TMC7: variants seen among roughly 807,000 people sequenced by gnomAD.
TMC7 encodes transmembrane channel-like protein 7.
Under a neutral mutation model 82.9 loss-of-function variants are expected in TMC7, and 54 were observed. That is an observed-to-expected ratio of 0.65 (90% confidence interval 0.52 to 0.82). TMC7 has a LOEUF of 0.82. Among genes scored for constraint, TMC7 ranks in the 40% least tolerant of loss-of-function variants. The pLI, the probability that TMC7 is intolerant of heterozygous loss-of-function variation, is 0.00. For synonymous variants in TMC7, 350 were observed against 337.9 expected (o/e 1.04, Z -0.39); for missense variants, 820 against 901.2 (o/e 0.91, Z 1.15).
chr16:19,000,670 G>A (rs1160429797), intron 1 of TMC7, among the ~76,000 whole-genome samples: 7 of 152,144 alleles, frequency 4.6e-5, no homozygotes, highest in Non-Finnish European at 1.0e-4. Context: ...TAGGAAGAAT[G>A]TGATATATGG....
At chr16:19,021,569 T>C in intron 3 of TMC7, 60 bp from the exon 4 acceptor site, 3 of 1,550,948 alleles carry the variant, frequency 1.9e-6, no homozygotes, top group Non-Finnish European at 2.6e-6. Context: ...GCTGATTGAA[T>C]CTATGATGTG....
At chr16:19,023,310 A>T (rs931695665) in intron 5 of TMC7, 115 bp downstream of exon 5, 41 of 563,260 alleles carry the variant, frequency 7.3e-5, no homozygotes, top group Non-Finnish European at 7.4e-5. Flanking sequence ...GTTGGTTGAC[A>T]CATGTACCAG....
chr16:18,998,543 A>G (rs544323333), intron 1 of TMC7, among the ~76,000 whole-genome samples: 2 of 152,142 alleles, frequency 1.3e-5, no homozygotes, highest in Non-Finnish European at 2.9e-5. Flanking sequence ...TCACGAGGTC[A>G]GGAGATCGAG....
At chr16:19,056,742 C>T (rs369935784) in intron 14 of TMC7, 45 bp downstream of exon 14, 1 of 1,598,126 alleles carries the variant, frequency 6.3e-7, no homozygotes, top group African/African-American at 1.3e-5. Context: ...TGGGCTCCTC[C>T]CATTGGGAAA....
chr16:19,013,708 G>A (rs1959510547), intron 2 of TMC7, among the ~76,000 whole-genome samples: 1 of 150,976 alleles, frequency 6.6e-6, no homozygotes, highest in African/African-American at 2.4e-5. Flanking sequence ...TGGTAGAGAC[G>A]GGGTTTCACC....
intron 12 of TMC7, among the ~76,000 whole-genome samples, chr16:19,049,833 C>T (rs1027166587): frequency 2.0e-5 from 3 of 152,130 alleles, no homozygotes; most frequent in African/African-American, 7.2e-5. Context: ...TATGTCCCTG[C>T]GCAGTAACAC....
chr16:19,017,395 TATA>T (rs978097889), intron 3 of TMC7, among the ~76,000 whole-genome samples: 4 of 149,366 alleles, frequency 2.7e-5, no homozygotes, highest in African/African-American at 9.7e-5. Flanking sequence ...AATATTAAAT[TATA>T]ATATTTTAAT....
At chr16:19,057,064 G>A (rs1462064203) in intron 14 of TMC7, among the ~76,000 whole-genome samples, 1 of 152,114 alleles carries the variant, frequency 6.6e-6, no homozygotes, top group Non-Finnish European at 1.5e-5. Flanking sequence ...GCTTGAACCT[G>A]GGAGGTTGAG....
At chr16:19,044,656 G>T (rs1219438236) in intron 9 of TMC7, among the ~76,000 whole-genome samples, 1 of 150,974 alleles carries the variant, frequency 6.6e-6, no homozygotes, top group African/African-American at 2.4e-5. Flanking sequence ...AAAAAAATTA[G>T]CTGGGTATGG....
At chr16:19,054,767 G>T (rs1253344359) in intron 13 of TMC7, among the ~76,000 whole-genome samples, 1 of 141,274 alleles carries the variant, frequency 7.1e-6, no homozygotes, top group African/African-American at 2.7e-5. Context: ...TTTTTTGAGA[G>T]GGAGTCTCAC....
intron 1 of TMC7, among the ~76,000 whole-genome samples, chr16:19,005,374 C>T (rs1262656927): frequency 6.6e-6 from 1 of 152,196 alleles, no homozygotes; most frequent in Non-Finnish European, 1.5e-5. Context: ...AGGCGTGAGC[C>T]ACCACGCCTG....
chr16:19,032,930 T>A (rs565227498), intron 6 of TMC7, among the ~76,000 whole-genome samples: 1 of 152,236 alleles, frequency 6.6e-6, no homozygotes, highest in Admixed American at 6.6e-5. Context: ...CCCAGCCGAA[T>A]GAATAAGGTT....
intron 13 of TMC7, among the ~76,000 whole-genome samples, chr16:19,052,268 C>G (rs987007215): frequency 6.6e-6 from 1 of 152,170 alleles, no homozygotes; most frequent in Admixed American, 6.6e-5. Context: ...CAGAGGCTGA[C>G]AAGACTTCCA....
In TMC7 at chr16:19,024,404, G is replaced by A. The variant is rs1023876996; in HGVS notation, c.711+1209G>A. Among the ~76,000 whole-genome samples, 3 of 152,126 alleles carry A rather than the reference G, an allele frequency of 2.0e-5. No homozygotes were observed. The South Asian group carries it at 6.2e-4, about 32-fold the overall frequency. On this transcript the variant is annotated intron_variant, in intron 5 of 15. Transcript: ENST00000304381. ...CCACTGCACTTCAGCCTGGGCAACA[G>A]AGCAAGACCCCATCTTAAAAAACAG...
chr16:19,021,578 T>A, intron 3 of TMC7, 51 bp from the exon 4 acceptor site: 1 of 1,591,462 alleles, frequency 6.3e-7, no homozygotes, highest in Non-Finnish European at 8.6e-7. Context: ...ATCTATGATG[T>A]GTAGTGTATC....
Position 19,000,392 on chromosome 16 carries a change from G to A in TMC7, c.68-8780G>A, listed in dbSNP as rs577977921. Reference sequence around the variant, plus strand: ...TGAGGCAGGAGAATCGCTTGAACCCGGGAGGCAGAGGTTGCAGTGAGCTGA... The same window carrying A: ...TGAGGCAGGAGAATCGCTTGAACCCAGGAGGCAGAGGTTGCAGTGAGCTGA... On this transcript the variant is annotated intron_variant, in intron 1 of 15. Coordinates refer to ENST00000304381, the MANE Select transcript of TMC7 (RefSeq NM_024847.4). 1.4e-4 allele frequency among the ~76,000 whole-genome samples: 21 copies of A among 152,086 alleles called. No individual in the cohort carries two copies. The South Asian group carries it at 1.7e-3, about 12-fold the overall frequency.
intron 1 of TMC7, among the ~76,000 whole-genome samples, chr16:18,997,824 G>A (rs936862530): frequency 6.6e-5 from 10 of 151,330 alleles, no homozygotes; most frequent in African/African-American, 2.2e-4. Flanking sequence ...CCGCCTCCCG[G>A]GTTCACACCA....
At chr16:19,009,102 A>C in intron 1 of TMC7, 70 bp from the exon 2 acceptor site, 1 of 1,553,908 alleles carries the variant, frequency 6.4e-7, no homozygotes. Flanking sequence ...GATGATGTCC[A>C]AGATCCAAGT....
intron 7 of TMC7, among the ~76,000 whole-genome samples, chr16:19,037,472 C>T (rs373988734): frequency 2.3e-5 from 3 of 130,284 alleles, no homozygotes; most frequent in Non-Finnish European, 3.1e-5. Flanking sequence ...TAAAAGATGT[C>T]TTTTTTTTTT....
Sources: allele counts gnomAD v4.1 joint callset (sites outside exome capture counted in the v4.1 genomes callset), GRCh38; gene constraint gnomAD v4.1.1; transcripts MANE v1.5; gene names NCBI Gene and HGNC (gene_info 2026-07-23, HGNC 2026-07-21).